The following MAML3 variants were observed in gnomAD, a reference collection of about 807,000 sequenced individuals.
The protein encoded by MAML3 is mastermind like transcriptional coactivator 3.
Under a neutral mutation model 101.9 loss-of-function variants are expected in MAML3, and 27 were observed. That is an observed-to-expected ratio of 0.27 (90% CI 0.20 to 0.37). The LOEUF is 0.37. Ranked by LOEUF, MAML3 falls within the 10% of genes least tolerant of loss-of-function variation. The pLI, the probability that MAML3 is intolerant of heterozygous loss-of-function variation, is 1.00. For synonymous variants in MAML3, 501 were observed against 555.9 expected, an observed-to-expected ratio of 0.90 and a Z score of 1.39; for missense variants, 1,316 against 1,444.9, an observed-to-expected ratio of 0.91 and a Z score of 1.45.
rs771603948 is a variant in MAML3, at chr4:139,890,557, T to C, written c.879A>G (p.Ser293=). The C allele has an allele frequency of 6.2e-7, 1 of 1,613,932 alleles. No homozygotes were observed. The highest frequency in any genetic ancestry group is 1.3e-5 in the African/African-American group (1 of 74,924). The part of the protein sequence containing the change: ...TCIDTSETSL[S]NQNKLFSDIN... ...TGTCTGAGAACAGCTTGTTCTGATT[T>C]GAAAGAGATGTTTCTGATGTGTCTA... Residue 293 remains serine (S), a synonymous_variant, in exon 2 of 5, where the codon TCA becomes TCG. Coordinates refer to ENST00000509479, the MANE Select transcript of MAML3 (RefSeq NM_018717.5). The surrounding 1 kb of genome is among the most constrained non-coding windows in gnomAD (Gnocchi z 4.1).
intron 1 of MAML3, among the ~76,000 whole-genome samples, chr4:139,930,018 G>A (rs931278157): frequency 6.6e-6 from 1 of 152,152 alleles, no homozygotes; most frequent in Non-Finnish European, 1.5e-5. Flanking sequence ...GTTTGTACAG[G>A]TGAGTGACTT....
intron 2 of MAML3, among the ~76,000 whole-genome samples, chr4:139,756,012 T>C (rs1185211084): frequency 6.6e-6 from 1 of 152,164 alleles, no homozygotes; most frequent in Admixed American, 6.5e-5. Context: ...TAAATCTAAG[T>C]GTGAAAGTTA....
At chr4:139,988,030 A>G (rs1734581866) in intron 1 of MAML3, among the ~76,000 whole-genome samples, 1 of 134,036 alleles carries the variant, frequency 7.5e-6, no homozygotes, top group African/African-American at 2.5e-5. Flanking sequence ...CAAAAAAAAA[A>G]AAAAAAAAAA....
intron 2 of MAML3, among the ~76,000 whole-genome samples, chr4:139,826,167 C>T (rs1731057332): frequency 6.6e-6 from 1 of 151,830 alleles, no homozygotes; most frequent in Non-Finnish European, 1.5e-5. Flanking sequence ...TGTTACTGAG[C>T]AGCCTCCCCT....
At chr4:139,879,126 TA>T (rs1247312265) in intron 2 of MAML3, among the ~76,000 whole-genome samples, 1 of 152,188 alleles carries the variant, frequency 6.6e-6, no homozygotes, top group Non-Finnish European at 1.5e-5. Context: ...AGCAATGAAA[TA>T]AACACAGGCT....
intron 1 of MAML3, among the ~76,000 whole-genome samples, chr4:140,097,180 C>T (rs981450979): frequency 1.3e-5 from 2 of 152,228 alleles, no homozygotes; most frequent in Non-Finnish European, 2.9e-5. Flanking sequence ...CCTCCCCATC[C>T]ATGCAAAACA....
intron 1 of MAML3, among the ~76,000 whole-genome samples, chr4:140,014,680 A>G (rs1726615086): frequency 1.3e-5 from 2 of 152,336 alleles, no homozygotes; most frequent in African/African-American, 4.8e-5. Context: ...ATCTGTGTGA[A>G]TTAGTTTTTT....
At chr4:140,104,887 T>C (rs769547400) in intron 1 of MAML3, among the ~76,000 whole-genome samples, 7 of 152,130 alleles carry the variant, frequency 4.6e-5, no homozygotes. Context: ...GGATTTAAAG[T>C]TACATATTTT....
At chr4:140,119,216 A>AGG (rs1728564180) in intron 1 of MAML3, among the ~76,000 whole-genome samples, 1 of 152,216 alleles carries the variant, frequency 6.6e-6, no homozygotes, top group African/African-American at 2.4e-5. Flanking sequence ...TTTCCACTAC[A>AGG]TAACCCTTCC....
At chr4:139,796,249 G>A (rs1432955428) in intron 2 of MAML3, among the ~76,000 whole-genome samples, 1 of 152,268 alleles carries the variant, frequency 6.6e-6, no homozygotes, top group East Asian at 1.9e-4. Flanking sequence ...ATCTACTAGG[G>A]CTTTATAGAG....
chr4:140,022,427 CATT>C (rs1177930232), intron 1 of MAML3, among the ~76,000 whole-genome samples: 1 of 152,112 alleles, frequency 6.6e-6, no homozygotes, highest in Admixed American at 6.6e-5. Flanking sequence ...TAAGACTTCT[CATT>C]ATTTGTAGAT....
chr4:139,912,026 A>G (rs72931693), intron 1 of MAML3, among the ~76,000 whole-genome samples: 23,125 of 152,226 alleles, frequency 0.15, 2,458 homozygotes, highest in African/African-American at 0.29. Flanking sequence ...GTATACAAAT[A>G]TCTCTTGTAG....
intron 1 of MAML3, among the ~76,000 whole-genome samples, chr4:139,966,987 T>C (rs1257272908): frequency 6.6e-6 from 1 of 152,168 alleles, no homozygotes; most frequent in Non-Finnish European, 1.5e-5. Context: ...TGGACATACA[T>C]GTACACATAG....
At chr4:140,114,922 T>C (rs1728492462) in intron 1 of MAML3, among the ~76,000 whole-genome samples, 1 of 152,210 alleles carries the variant, frequency 6.6e-6, no homozygotes, top group South Asian at 2.1e-4. Flanking sequence ...TGTTAAAATT[T>C]ACAGTTGCCC....
At chr4:139,838,257 T>C (rs1401791616) in intron 2 of MAML3, among the ~76,000 whole-genome samples, 1 of 152,222 alleles carries the variant, frequency 6.6e-6, no homozygotes, top group Admixed American at 6.5e-5. Flanking sequence ...GATATTAGCA[T>C]GTAAGTGGAT....
chr4:140,105,999 C>T (rs897143637), intron 1 of MAML3, among the ~76,000 whole-genome samples: 1 of 151,730 alleles, frequency 6.6e-6, no homozygotes. Context: ...TTTAGGACTC[C>T]TCACTAATAA....
intron 1 of MAML3, among the ~76,000 whole-genome samples, chr4:139,917,792 G>A (rs1733052968): frequency 6.6e-6 from 1 of 152,120 alleles, no homozygotes; most frequent in African/African-American, 2.4e-5. Flanking sequence ...TTGCAAAGGG[G>A]ATTCTTTATT....
intron 1 of MAML3, among the ~76,000 whole-genome samples, chr4:140,133,402 C>T (rs1469138557): frequency 6.6e-6 from 1 of 152,174 alleles, no homozygotes; most frequent in Non-Finnish European, 1.5e-5. Context: ...TATAATTACA[C>T]AGTCCCCAAA....
intron 1 of MAML3, among the ~76,000 whole-genome samples, chr4:140,080,551 T>C (rs1220320970): frequency 6.6e-6 from 1 of 152,192 alleles, no homozygotes; most frequent in Non-Finnish European, 1.5e-5. Context: ...GAGAAATGGA[T>C]TGGAAATAGA....
Sources: allele counts gnomAD v4.1 joint callset (sites outside exome capture counted in the v4.1 genomes callset), GRCh38; gene constraint gnomAD v4.1.1; non-coding constraint Gnocchi (gnomAD v3.1); transcripts MANE v1.5; gene names NCBI Gene and HGNC (gene_info 2026-07-23, HGNC 2026-07-21).